Variants in MEGF11 observed in about 807,000 individuals in gnomAD.
MEGF11 encodes multiple EGF like domains 11, also known as multiple epidermal growth factor-like domains protein 11.
A neutral mutation model predicts 146.6 loss-of-function variants in MEGF11; 126 were observed. The observed-to-expected ratio is 0.86, with a 90% CI of 0.74 to 1.00. The LOEUF (loss-of-function observed/expected upper bound fraction) is 1.00, where lower values mean the gene tolerates loss of function less well. Ranked by LOEUF, MEGF11 falls within the 50% of genes least tolerant of loss-of-function variation. The pLI, the probability that MEGF11 is intolerant of heterozygous loss-of-function variation, is 0.00. For missense variants in MEGF11, 1,509 were observed against 1,521.2 expected (o/e 0.99, Z 0.13); for synonymous variants, 532 against 583.4 (o/e 0.91, Z 1.27).
chr15:66,011,843 C>T (rs972635987), intron 5 of MEGF11, among the ~76,000 whole-genome samples: 3 of 151,664 alleles, frequency 2.0e-5, no homozygotes, highest in African/African-American at 7.3e-5. Flanking sequence ...TAATTTTGTG[C>T]AAATAAAGGA....
intron 23 of MEGF11, among the ~76,000 whole-genome samples, chr15:65,907,575 G>T (rs1368621942): frequency 2.0e-5 from 3 of 152,138 alleles, no homozygotes; most frequent in Non-Finnish European, 4.4e-5. Flanking sequence ...GATTACAGAC[G>T]TGAGCCACCG....
intron 4 of MEGF11, among the ~76,000 whole-genome samples, chr15:66,106,340 C>T (rs1201208771): frequency 6.6e-6 from 1 of 152,188 alleles, no homozygotes; most frequent in Non-Finnish European, 1.5e-5. Context: ...GCAAGTAATA[C>T]ATGCAGAACA....
intron 10 of MEGF11, among the ~76,000 whole-genome samples, chr15:65,943,056 G>C (rs906529986): frequency 7.4e-6 from 1 of 134,350 alleles, no homozygotes; most frequent in South Asian, 2.4e-4. Context: ...GCACAATCTC[G>C]GCTCACTGCA....
intron 20 of MEGF11, among the ~76,000 whole-genome samples, chr15:65,913,132 C>T (rs747346734): frequency 6.6e-6 from 1 of 152,190 alleles, no homozygotes; most frequent in African/African-American, 2.4e-5. Flanking sequence ...CCATCTTGAC[C>T]CCACTCAGAC....
intron 5 of MEGF11, among the ~76,000 whole-genome samples, chr15:66,064,092 G>A (rs1433772494): frequency 6.6e-6 from 1 of 152,068 alleles, no homozygotes; most frequent in Non-Finnish European, 1.5e-5. Context: ...AATACTGGCT[G>A]GGCGCAGTGG....
chr15:65,898,472 T>C (rs766924910), intron 25 of MEGF11: 32 of 985,254 alleles, frequency 3.2e-5, no homozygotes, highest in Non-Finnish European at 3.7e-5. Context: ...TGCACGTGCA[T>C]GTGCCCATTT....
At chr15:66,252,737 C>A (rs1253791874) in intron 1 of MEGF11, among the ~76,000 whole-genome samples, 4 of 152,208 alleles carry the variant, frequency 2.6e-5, no homozygotes, top group Non-Finnish European at 5.9e-5. Flanking sequence ...GGAAAATAAA[C>A]CAAGTCCAGG....
rs550021184 is a variant in MEGF11 at position 66,135,059 on chromosome 15, T to C, written c.-8-6648A>G. ...CTGCTCCAGGGCTGAGTGTTTCACG[T>C]CTTGCACATTAAGGAAGACCAACTT... On this transcript the variant is annotated intron_variant, in intron 1 of 25. Transcript: ENST00000395614. Among the ~76,000 whole-genome samples the C allele has an allele frequency of 3.9e-5, 6 of 152,326 alleles. No homozygotes were observed. The East Asian group carries it at 9.6e-4, about 24-fold the overall frequency.
intron 6 of MEGF11, among the ~76,000 whole-genome samples, chr15:65,981,370 G>A (rs1381479150): frequency 6.6e-6 from 1 of 152,216 alleles, no homozygotes; most frequent in Non-Finnish European, 1.5e-5. Context: ...GGCTCAGGAA[G>A]GCTCCCAGCT....
intron 4 of MEGF11, among the ~76,000 whole-genome samples, chr15:66,104,648 A>G (rs2086979835): frequency 6.6e-6 from 1 of 152,226 alleles, no homozygotes; most frequent in Admixed American, 6.5e-5. Flanking sequence ...ATTTGAACTC[A>G]TTTCATAGAA....
chr15:65,969,702 G>A (rs1305424842), intron 8 of MEGF11, among the ~76,000 whole-genome samples: 1 of 152,138 alleles, frequency 6.6e-6, no homozygotes, highest in Non-Finnish European at 1.5e-5. Flanking sequence ...GGCATGGAAT[G>A]ATGAAAAATG....
chr15:66,167,522 G>T (rs138152110), intron 1 of MEGF11, among the ~76,000 whole-genome samples: 2,432 of 152,280 alleles, frequency 0.016, 32 homozygotes, highest in Middle Eastern at 0.044. Flanking sequence ...GCGCCGGCCT[G>T]TAATCCCAGC....
chr15:66,235,832 G>A (rs1229139839), intron 1 of MEGF11, among the ~76,000 whole-genome samples: 2 of 152,196 alleles, frequency 1.3e-5, no homozygotes, highest in Admixed American at 6.5e-5. Flanking sequence ...CCACAGGCAA[G>A]CATCAAGTCT....
At chr15:66,060,375 AAC>A (rs531116968) in intron 5 of MEGF11, among the ~76,000 whole-genome samples, 3 of 152,284 alleles carry the variant, frequency 2.0e-5, no homozygotes, top group South Asian at 4.1e-4. Context: ...CCCCAAGCCA[AAC>A]ACAGTCTCTC....
chr15:65,913,268 TG>T (rs1228479046), intron 20 of MEGF11, among the ~76,000 whole-genome samples: 1 of 152,146 alleles, frequency 6.6e-6, no homozygotes, highest in Non-Finnish European at 1.5e-5. Context: ...CCCCTTCCGC[TG>T]TACTAATAGG....
chr15:65,909,195 A>AG (rs1368524063), intron 22 of MEGF11, 60 bp from the exon 23 acceptor site: 1 of 1,216,644 alleles, frequency 8.2e-7, no homozygotes, highest in Non-Finnish European at 1.2e-6. Flanking sequence ...TAGCAGGGGA[A>AG]GGGGGTAGGA....
chr15:65,971,621 G>A (rs2081299916), intron 7 of MEGF11, among the ~76,000 whole-genome samples: 1 of 152,144 alleles, frequency 6.6e-6, no homozygotes, highest in African/African-American at 2.4e-5. Flanking sequence ...AGGTTGGAGG[G>A]TTCCTTTCTA....
chr15:65,940,544 C>T (rs1256212260), intron 10 of MEGF11, among the ~76,000 whole-genome samples: 4 of 152,246 alleles, frequency 2.6e-5, no homozygotes, highest in East Asian at 1.9e-4. Flanking sequence ...GCCTCTCCAA[C>T]GCAGAGCAAA....
intron 1 of MEGF11, among the ~76,000 whole-genome samples, chr15:66,173,310 T>A (rs1323609208): frequency 6.6e-6 from 1 of 152,166 alleles, no homozygotes; most frequent in Non-Finnish European, 1.5e-5. Context: ...GAAGGCAATT[T>A]TTTTTTAATT....
Sources: gnomAD v4.1 joint callset for allele counts (sites outside exome capture counted in the v4.1 genomes callset) on GRCh38, gnomAD v4.1.1 for gene constraint, MANE v1.5 for transcripts, NCBI Gene and HGNC (gene_info 2026-07-23, HGNC 2026-07-21) for gene names.